FNDC5: variants seen among roughly 807,000 people sequenced by gnomAD.
FNDC5 encodes the protein fibronectin type III domain-containing protein 5.
In FNDC5, 10 loss-of-function variants were observed where a neutral mutation model predicts 24.6. The ratio of observed to expected loss-of-function variants is 0.41; its 90% CI spans 0.25 to 0.69. The LOEUF is 0.69. Ranked by LOEUF, FNDC5 falls within the 30% of genes least tolerant of loss-of-function variation. The pLI, the probability that FNDC5 is intolerant of heterozygous loss-of-function variation, is 0.34. For missense variants in FNDC5, 226 were observed against 282.9 expected (o/e 0.80, Z 1.44); for synonymous variants, 90 against 110.7 (o/e 0.81, Z 1.18).
At position 32,870,662 on chromosome 1, in the gene FNDC5, C is replaced by T; in HGVS notation, c.85G>A (p.Val29Met). The T allele has an allele frequency of 8.3e-7, 1 of 1,208,200 alleles. No individual in the cohort carries two copies. The highest frequency in any genetic ancestry group is 1.0e-6 in the Non-Finnish European group (1 of 972,602). 74.8% of individuals were successfully genotyped at this position (1,208,200 alleles called of 1,614,324 possible). A position where few individuals can be genotyped will look rare whatever the true frequency, so the allele number is the denominator to read the frequency against. Residue 29 changes from valine (V) to methionine (M), a missense_variant, in exon 1 of 6, where the codon GTG (valine) becomes ATG (methionine). Val to Met is a conservative substitution (Grantham distance 21). Coordinates refer to ENST00000373471, the MANE Select transcript of FNDC5 (RefSeq NM_153756.3). ...CCCCGGGCCCCCTTACCCGCCTGCA[C>T]CAGCGCGAAGCAGACGCAGCCCAGC...
Position 32,864,807 on chromosome 1 carries a change from G to GA in FNDC5, c.500-11dup. On this transcript the variant is annotated splice_polypyrimidine_tract_variant and intron_variant, in intron 4 of 5. Transcript: ENST00000373471. ...AAGAGGGCAATGACACCTGAGGGGG[G>GA]ACAAGTGAGCAGTCAGAGGCCAGAG... 6.2e-7 allele frequency: 1 copy of GA among 1,613,754 alleles called. No individual in the cohort carries two copies. The highest frequency in any genetic ancestry group is 8.5e-7 in the Non-Finnish European group (1 of 1,179,972).
chr1:32,868,739 A>G lies in FNDC5; in HGVS notation c.210+143T>C, dbSNP rs765046109. 38 of 578,556 alleles carry G rather than the reference A, an allele frequency of 6.6e-5. No individual in the cohort carries two copies. Among genetic ancestry groups the G allele is most frequent in the Non-Finnish European group, 1.0e-4 (38 of 370,092 alleles). 35.8% of individuals were successfully genotyped at this position (578,556 alleles called of 1,614,324 possible). On this transcript the variant is annotated intron_variant, in intron 2 of 5. Transcript: ENST00000373471. This position sits in a 1 kb window ranked among gnomAD's most constrained non-coding sequence, Gnocchi z 4.8. ...GAATGGGGCCCCAATTTTCAGACAT[A>G]TGTCCAAATTGCTGTTCATCTCCCT...
rs551370813 is a variant in FNDC5 at position 32,863,823 on chromosome 1, GC to G, written c.*470del. 1.5e-6 allele frequency: 2 copies of G among 1,305,284 alleles called. No homozygotes were observed. Among genetic ancestry groups the G allele is most frequent in the Non-Finnish European group, 2.0e-6 (2 of 989,678 alleles). 80.9% of individuals were successfully genotyped at this position (1,305,284 alleles called of 1,614,324 possible). A position where few individuals can be genotyped will look rare whatever the true frequency, so the allele number is the denominator to read the frequency against. On this transcript the variant is annotated 3_prime_UTR_variant, in exon 6 of 6. Coordinates refer to ENST00000373471, the MANE Select transcript of FNDC5 (RefSeq NM_153756.3). ...AAGCAGCCAGGCCTAATTGTGAATA[GC>G]CTTCTTGCAAGGCTGGAAACAGGAC...
intron 1 of FNDC5, among the ~76,000 whole-genome samples, chr1:32,870,036 G>C (rs1357240964): frequency 1.3e-5 from 2 of 152,130 alleles, no homozygotes; most frequent in East Asian, 3.9e-4. Flanking sequence ...AGCTGCGAGA[G>C]AGCGCTCCCC....
chr1:32,863,691 G>A lies in FNDC5; in HGVS notation c.*603C>T. ...CTCTCCCTGTGCCCGTGGGCCTGGG[G>A]ACCAGCTGAGAAGAAAAATGGAATC... On this transcript the variant is annotated 3_prime_UTR_variant, in exon 6 of 6. Transcript: ENST00000373471. 4.6e-6 allele frequency: 6 copies of A among 1,304,044 alleles called. No homozygotes were observed. Among genetic ancestry groups the A allele is most frequent in the Non-Finnish European group, 6.1e-6 (6 of 988,718 alleles). The allele number at this position is 1,304,044 out of a possible 1,614,324, so 80.8% of individuals were successfully genotyped here. A position where few individuals can be genotyped will look rare whatever the true frequency, so the allele number is the denominator to read the frequency against.
intron 5 of FNDC5, 110 bp from the exon 6 acceptor site, chr1:32,864,409 C>T (rs1641029282): frequency 2.0e-6 from 3 of 1,531,044 alleles, no homozygotes; most frequent in South Asian, 1.2e-5. Flanking sequence ...TTGTCCCGCG[C>T]CAACCAAGAA....
At chr1:32,867,595 G>T (rs1641095211) in intron 4 of FNDC5, among the ~76,000 whole-genome samples, 158 bp downstream of exon 4, 1 of 152,196 alleles carries the variant, frequency 6.6e-6, no homozygotes. Flanking sequence ...GAAGGGGTCA[G>T]ATCTGTTTCC....
At chr1:32,871,498 G>A (rs931162813), upstream of FNDC5, among the ~76,000 whole-genome samples, 8 of 152,208 alleles carry the variant, frequency 5.3e-5, no homozygotes, top group Non-Finnish European at 1.2e-4. Flanking sequence ...CCCATAGTGA[G>A]GGCAGTAATG....
At chr1:32,867,084 CTTTGTCTCAAAAAACAAAACA>C (rs1641084395) in intron 4 of FNDC5, among the ~76,000 whole-genome samples, 2 of 151,944 alleles carry the variant, frequency 1.3e-5, no homozygotes, top group South Asian at 2.1e-4. Flanking sequence ...AAAACAAAAC[CTTTGTCTCAAAAAACAAAACA>C]AACAAAAAAA....
rs764721095 is a variant in FNDC5 at position 32,864,278 on chromosome 1, AG to A, written c.*15del. The stretch of plus-strand genomic sequence containing the variant: ...TCTGTCTTCTTAGCTGCTGAGGGCA[AG>A]CACTGAAAAGGTTTTCATATCTGTT... On this transcript the variant is annotated 3_prime_UTR_variant, in exon 6 of 6. Transcript: ENST00000373471. The A allele has an allele frequency of 2.5e-6, 4 of 1,614,198 alleles. No individual in the cohort carries two copies. In the East Asian group the frequency reaches 8.9e-5, roughly 36 times the overall value.
chr1:32,866,731 G>A (rs556937303), intron 4 of FNDC5, among the ~76,000 whole-genome samples: 7 of 152,232 alleles, frequency 4.6e-5, no homozygotes, highest in South Asian at 4.1e-4. Context: ...AAGAGTAAAC[G>A]AAAAGAAAAA....
At chr1:32,871,972 C>T (rs2148712628), upstream of FNDC5, among the ~76,000 whole-genome samples, 2 of 152,308 alleles carry the variant, frequency 1.3e-5, no homozygotes, top group Middle Eastern at 6.8e-3. Context: ...ATCCGAAATT[C>T]CACTACTAGC....
chr1:32,867,244 G>C (rs568172297), intron 4 of FNDC5, among the ~76,000 whole-genome samples: 47 of 152,236 alleles, frequency 3.1e-4, no homozygotes, highest in African/African-American at 1.1e-3. Flanking sequence ...AGTATGCGGT[G>C]GGGGTGTGGA....
At position 32,868,870 on chromosome 1, in the gene FNDC5, G is replaced by A; in HGVS notation, c.210+12C>T. 1 of 1,236,570 alleles carries A rather than the reference G, an allele frequency of 8.1e-7. No individual in the cohort carries two copies. Among genetic ancestry groups the A allele is most frequent in the Non-Finnish European group, 1.0e-6 (1 of 989,318 alleles). The allele number at this position is 1,236,570 out of a possible 1,614,324, so 76.6% of individuals were successfully genotyped here. ...GATGTGTCCTTCCCTCCTAAGGACA[G>A]TGGAGCATTACCTGCTGGGAGATGG... On this transcript the variant is annotated intron_variant, in intron 2 of 5. Transcript: ENST00000373471. The surrounding 1 kb of genome is among the most constrained non-coding windows in gnomAD (Gnocchi z 4.8).
intron 1 of FNDC5, among the ~76,000 whole-genome samples, chr1:32,869,839 C>T (rs974137629): frequency 6.6e-6 from 1 of 151,990 alleles, no homozygotes; most frequent in African/African-American, 2.4e-5. Flanking sequence ...AGGTGCAGCA[C>T]GGGGCAGAGC....
At position 32,868,095 on chromosome 1, in the gene FNDC5, G is replaced by C. The variant is rs561449267; in HGVS notation, c.409+95C>G. 2.4e-4 allele frequency: 341 copies of C among 1,417,944 alleles called. 3 individuals are homozygous for C. In the South Asian group the frequency reaches 3.6e-3, roughly 15 times the overall value. The allele number at this position is 1,417,944 out of a possible 1,614,324, so 87.8% of individuals were successfully genotyped here. A position where few individuals can be genotyped will look rare whatever the true frequency, so the allele number is the denominator to read the frequency against. On this transcript the variant is annotated intron_variant, in intron 3 of 5. Transcript: ENST00000373471. The surrounding 1 kb of genome is among the most constrained non-coding windows in gnomAD (Gnocchi z 4.8). ...GCTTTACTTGCCAGCAGGGGATAAG[G>C]GGGAGGAGACAGAGCTTTCCTCAAG...
At position 32,864,722 on chromosome 1, in the gene FNDC5, T is replaced by C. The variant is rs750559821; in HGVS notation, c.575A>G (p.Lys192Arg). 3.4e-5 allele frequency: 55 copies of C among 1,614,198 alleles called. No individual in the cohort carries two copies. The highest frequency in any genetic ancestry group is 4.5e-5 in the Non-Finnish European group (53 of 1,180,026). Residue 192 changes from lysine to arginine, a missense_variant, in exon 5 of 6, where the codon AAG (lysine) becomes AGG (arginine). Coordinates refer to ENST00000373471, the MANE Select transcript of FNDC5 (RefSeq NM_153756.3). ...TGGTGTGCTGGTTTCTGATGCACTC[T>C]TGGTTTTTTCCTTGTTGTTATTGGG...
At position 32,864,662 on chromosome 1, in the gene FNDC5, A is replaced by G. The variant is rs762433406; in HGVS notation, c.633+2T>C. On this transcript the variant is annotated splice_donor_variant, in intron 5 of 5. Coordinates refer to ENST00000373471, the MANE Select transcript of FNDC5 (RefSeq NM_153756.3). LOFTEE classifies it high-confidence loss of function. ...CCACCCAGGCCCAGGTCTTGCCCTC[A>G]CCTTGCTGCGGAGAAGCCCCCCGCC... 4 of 1,613,868 alleles carry G rather than the reference A, an allele frequency of 2.5e-6. No homozygotes were observed. The highest frequency in any genetic ancestry group is 1.7e-5 in the Admixed American group (1 of 60,018).
chr1:32,862,781 C>T lies in FNDC5; in HGVS notation c.*1513G>A, dbSNP rs1429301233. On this transcript the variant is annotated 3_prime_UTR_variant, in exon 6 of 6. Transcript: ENST00000373471. ...GAGTCTACCTTCCCTCATCAAGCAC[C>T]ATTTTTTTAAACCAGAAAGGGGCAG... 1.3e-5 allele frequency: 2 copies of T among 152,344 alleles called. No individual in the cohort carries two copies. The highest frequency in any genetic ancestry group is 6.6e-5 in the Admixed American group (1 of 15,172). The allele number at this position is 152,344 out of a possible 1,614,324, so 9.4% of individuals were successfully genotyped here. A position where few individuals can be genotyped will look rare whatever the true frequency, so the allele number is the denominator to read the frequency against.
Sources: gnomAD v4.1 joint callset for allele counts (sites outside exome capture counted in the v4.1 genomes callset) on GRCh38, gnomAD v4.1.1 for gene constraint, Gnocchi (gnomAD v3.1) non-coding constraint, MANE v1.5 for transcripts, NCBI Gene and HGNC (gene_info 2026-07-23, HGNC 2026-07-21) for gene names.